RPS6KC1: variants seen among roughly 807,000 people sequenced by gnomAD.
RPS6KC1 encodes the protein inactive ribosomal protein S6 kinase delta-1.
In RPS6KC1, 54 loss-of-function variants were observed where a neutral mutation model predicts 103.8. The observed-to-expected ratio is 0.52, with a 90% CI of 0.42 to 0.65. The LOEUF (loss-of-function observed/expected upper bound fraction) is 0.65, where lower values mean the gene tolerates loss of function less well. RPS6KC1 is among the 30% of genes least tolerant of loss of function. The probability of loss-of-function intolerance (pLI) is 0.00; values close to 1 mark genes in which losing one functional copy is unlikely to be tolerated. For missense variants in RPS6KC1, 1,151 were observed against 1,253.8 expected, an observed-to-expected ratio of 0.92 and a Z score of 1.24; for synonymous variants, 439 against 438.7, an observed-to-expected ratio of 1.00 and a Z score of -0.01.
intron 1 of RPS6KC1, among the ~76,000 whole-genome samples, chr1:213,052,914 A>G (rs1419364007): frequency 1.3e-5 from 2 of 152,334 alleles, no homozygotes; most frequent in African/African-American, 4.8e-5. Context: ...GAAATGGTGC[A>G]CAATTCAGAT....
chr1:213,157,358 C>T (rs2090005755), intron 6 of RPS6KC1, among the ~76,000 whole-genome samples: 1 of 152,070 alleles, frequency 6.6e-6, no homozygotes, highest in African/African-American at 2.4e-5. Context: ...AAGTGCCTGC[C>T]ACCATGTCCG....
the RPS6KC1 span, among the ~76,000 whole-genome samples, chr1:213,402,737 T>C: frequency 2.0e-5 from 3 of 152,036 alleles, no homozygotes; most frequent in African/African-American, 7.3e-5. Flanking sequence ...TTCTTTCCAA[T>C]AAACTCATAA....
At chr1:213,301,704 TATTTA>T in the RPS6KC1 span, among the ~76,000 whole-genome samples, 1 of 122,272 alleles carries the variant, frequency 8.2e-6, no homozygotes, top group African/African-American at 3.8e-5. Context: ...TTTACTTATT[TATTTA>T]TTTATTTATT....
chr1:213,176,345 G>A lies in RPS6KC1; in HGVS notation c.952-55G>A. 6 of 1,213,190 alleles carry A rather than the reference G, an allele frequency of 4.9e-6. No homozygotes were observed. In the South Asian group the frequency reaches 9.4e-5, roughly 19 times the overall value. 75.2% of individuals were successfully genotyped at this position (1,213,190 alleles called of 1,614,324 possible). A position where few individuals can be genotyped will look rare whatever the true frequency, so the allele number is the denominator to read the frequency against. The stretch of plus-strand genomic sequence containing the variant: ...GGCCTGGCATTTGCTTCAGCAGGCA[G>A]CCTTCCTTCAAGTACCTCCCTGATT... On this transcript the variant is annotated intron_variant, in intron 7 of 14. Coordinates refer to ENST00000366960, the MANE Select transcript of RPS6KC1 (RefSeq NM_012424.6).
At chr1:213,286,107 T>A in the RPS6KC1 span, among the ~76,000 whole-genome samples, 1 of 152,228 alleles carries the variant, frequency 6.6e-6, no homozygotes, top group Admixed American at 6.5e-5. Flanking sequence ...AGTCTGATGT[T>A]GTCGAGAAGT....
chr1:213,376,597 G>T, the RPS6KC1 span, among the ~76,000 whole-genome samples: 5 of 151,686 alleles, frequency 3.3e-5, no homozygotes, highest in Admixed American at 2.0e-4. Context: ...CTCCGATTTT[G>T]CCTCCTGCTC....
chr1:213,207,702 G>A (rs2093391718), intron 8 of RPS6KC1, among the ~76,000 whole-genome samples: 1 of 151,584 alleles, frequency 6.6e-6, no homozygotes, highest in African/African-American at 2.4e-5. Flanking sequence ...GAGACACTGT[G>A]TCACTCTGTT....
At chr1:213,325,667 G>A in the RPS6KC1 span, among the ~76,000 whole-genome samples, 4 of 152,166 alleles carry the variant, frequency 2.6e-5, no homozygotes, top group Non-Finnish European at 5.9e-5. Flanking sequence ...GAAAGAGGAA[G>A]GAAGTGGATC....
At chr1:213,613,497 C>T in the RPS6KC1 span, among the ~76,000 whole-genome samples, 1 of 152,208 alleles carries the variant, frequency 6.6e-6, no homozygotes, top group Non-Finnish European at 1.5e-5. Flanking sequence ...CTGTGGTGGA[C>T]ATCAGACTCT....
At chr1:213,410,121 C>G in the RPS6KC1 span, among the ~76,000 whole-genome samples, 12 of 152,174 alleles carry the variant, frequency 7.9e-5, no homozygotes, top group Admixed American at 2.6e-4. Context: ...TGCCACTGCA[C>G]TCCAGCTGGG....
the RPS6KC1 span, among the ~76,000 whole-genome samples, chr1:213,475,341 C>G: frequency 3.3e-5 from 5 of 152,158 alleles, no homozygotes; most frequent in South Asian, 2.1e-4. Flanking sequence ...ATTTGTCCCC[C>G]CTTTCAAAGG....
chr1:213,852,268 C>A, the RPS6KC1 span, among the ~76,000 whole-genome samples: 2 of 152,342 alleles, frequency 1.3e-5, no homozygotes, highest in Admixed American at 6.5e-5. Context: ...TGCTCTAGAC[C>A]TTTCCCTTGC....
the RPS6KC1 span, among the ~76,000 whole-genome samples, chr1:213,378,610 C>T: frequency 6.6e-6 from 1 of 151,944 alleles, no homozygotes; most frequent in East Asian, 1.9e-4. Context: ...AGGTACTGCC[C>T]CACCATTATT....
At chr1:213,312,801 G>C in the RPS6KC1 span, among the ~76,000 whole-genome samples, 3 of 152,202 alleles carry the variant, frequency 2.0e-5, 1 homozygote, top group Admixed American at 2.0e-4. Flanking sequence ...TTTTGAGTTA[G>C]TTTTAACATA....
rs750324637 is a variant in RPS6KC1, at chr1:213,129,750, G to A, written c.696G>A (p.Pro232=). Residue 232 remains proline (P), a synonymous_variant, in exon 6 of 15, where the codon CCG becomes CCA. Transcript: ENST00000366960. The part of the protein sequence containing the change: ...SRSLFPGSLK[P]KLGKRDYLEK... ...GCCTCTTTCCTGGCAGTTTAAAGCC[G>A]AAGCTTGGCAAGAGAGATTATTTGG... The A allele has an allele frequency of 1.4e-5, 22 of 1,613,952 alleles. No individual in the cohort carries two copies. The highest frequency in any genetic ancestry group is 6.6e-5 in the South Asian group (6 of 91,084).
chr1:213,581,351 GTC>G, the RPS6KC1 span, among the ~76,000 whole-genome samples: 1 of 152,078 alleles, frequency 6.6e-6, no homozygotes, highest in Non-Finnish European at 1.5e-5. Context: ...GCTAGTAAGA[GTC>G]TGTCATTCTC....
rs114921275 is a variant in RPS6KC1, at chr1:213,136,255, A to G, written c.835+6366A>G. On this transcript the variant is annotated intron_variant, in intron 6 of 14. Coordinates refer to ENST00000366960, the MANE Select transcript of RPS6KC1 (RefSeq NM_012424.6). ...CTGGAGGAAGAGGGTATTTTCCCTC[A>G]TAGCTCCAATAAAAGCCTCAGGGAG... Among the ~76,000 whole-genome samples, 472 of 152,320 alleles carry G rather than the reference A, an allele frequency of 3.1e-3. 2 individuals are homozygous for G. Among genetic ancestry groups the G allele is most frequent in the African/African-American group, 1.0e-2 (414 of 41,576 alleles).
chr1:213,464,308 T>C, the RPS6KC1 span, among the ~76,000 whole-genome samples: 1 of 152,184 alleles, frequency 6.6e-6, no homozygotes, highest in Non-Finnish European at 1.5e-5. Flanking sequence ...TTCCAAAGTT[T>C]ATTGGTTTAT....
At chr1:213,123,634 A>G (rs2084647771) in intron 5 of RPS6KC1, among the ~76,000 whole-genome samples, 1 of 152,212 alleles carries the variant, frequency 6.6e-6, no homozygotes, top group African/African-American at 2.4e-5. Flanking sequence ...AATCATATTT[A>G]TAAGGGCTTC....
Sources: allele counts gnomAD v4.1 joint callset (sites outside exome capture counted in the v4.1 genomes callset), GRCh38; gene constraint gnomAD v4.1.1; transcripts MANE v1.5; gene names NCBI Gene and HGNC (gene_info 2026-07-23, HGNC 2026-07-21).